Variants in ADAM9 observed in about 807,000 individuals in gnomAD.
The protein encoded by ADAM9 is ADAM metallopeptidase domain 9, also known as disintegrin and metalloproteinase domain-containing protein 9.
ADAM9 carries 54 observed loss-of-function variants against 108.1 expected under a neutral mutation model. The ratio of observed to expected loss-of-function variants is 0.50; its 90% CI spans 0.40 to 0.63. ADAM9 has a LOEUF of 0.63. Among genes scored for constraint, ADAM9 ranks in the 20% least tolerant of loss-of-function variants. ADAM9 has a pLI of 0.00. For synonymous variants in ADAM9, 316 were observed against 336.0 expected (o/e 0.94, Z 0.65); for missense variants, 830 against 997.7 (o/e 0.83, Z 2.26).
At position 39,072,846 on chromosome 8, in the gene ADAM9, G is replaced by A. The variant is rs369841545; in HGVS notation, c.1697+1443G>A. Among the ~76,000 whole-genome samples the A allele has an allele frequency of 2.0e-5, 3 of 152,110 alleles. No homozygotes were observed. The East Asian group carries it at 5.8e-4, about 29-fold the overall frequency. Reference sequence around the variant, plus strand: ...TGTTTTCATTATTTTTTAGTTCATAGTATTTTCTAATTTACACTGATTTTT... The same window carrying A: ...TGTTTTCATTATTTTTTAGTTCATAATATTTTCTAATTTACACTGATTTTT... On this transcript the variant is annotated intron_variant, in intron 15 of 21. Transcript: ENST00000487273.
chr8:39,012,278 C>T (rs1431421495), intron 3 of ADAM9, among the ~76,000 whole-genome samples: 1 of 152,170 alleles, frequency 6.6e-6, no homozygotes, highest in Non-Finnish European at 1.5e-5. Context: ...CTTTGCTGAT[C>T]ATGTAGCTAA....
At chr8:39,088,682 T>A (rs1839252580) in intron 18 of ADAM9, among the ~76,000 whole-genome samples, 1 of 152,186 alleles carries the variant, frequency 6.6e-6, no homozygotes, top group Admixed American at 6.5e-5. Context: ...GATAAAATAC[T>A]TAAAGAATTT....
chr8:39,019,746 G>GT (rs945311456), intron 7 of ADAM9, among the ~76,000 whole-genome samples: 5 of 151,772 alleles, frequency 3.3e-5, no homozygotes, highest in African/African-American at 4.8e-5. Context: ...CAGTTTTGAG[G>GT]TTTTTTTTGG....
At chr8:39,030,679 CT>C (rs139001064) in intron 11 of ADAM9, among the ~76,000 whole-genome samples, 13,943 of 152,260 alleles carry the variant, frequency 0.092, 762 homozygotes, top group Non-Finnish European at 0.12. Context: ...GCCAAATTGT[CT>C]TCCAAAGTAG....
intron 12 of ADAM9, among the ~76,000 whole-genome samples, chr8:39,051,914 CTCA>C (rs1837970087): frequency 1.3e-5 from 2 of 151,880 alleles, no homozygotes; most frequent in Non-Finnish European, 2.9e-5. Context: ...TTGTACACAC[CTCA>C]TGTGTATATA....
chr8:39,103,760 T>TC lies in ADAM9; in HGVS notation c.*61dup. On this transcript the variant is annotated 3_prime_UTR_variant, in exon 22 of 22. Transcript: ENST00000487273. ...GAACTGAGCTAATACTTTTTTTTTT[T>TC]CTTGATGTTTTCTTGAAAAGCCTTT... is the stretch of plus-strand genomic sequence containing the variant. The TC allele has an allele frequency of 2.0e-6, 3 of 1,495,028 alleles. No individual in the cohort carries two copies. The highest frequency in any genetic ancestry group is 2.8e-6 in the Non-Finnish European group (3 of 1,074,810). The allele number at this position is 1,495,028 out of a possible 1,614,324, so 92.6% of individuals were successfully genotyped here. A position where few individuals can be genotyped will look rare whatever the true frequency, so the allele number is the denominator to read the frequency against.
At chr8:39,073,649 G>C (rs999335897) in intron 15 of ADAM9, among the ~76,000 whole-genome samples, 2 of 152,122 alleles carry the variant, frequency 1.3e-5, no homozygotes, top group African/African-American at 4.8e-5. Context: ...TAATATAACC[G>C]ATTGAATGAA....
chr8:39,011,527 C>A, intron 2 of ADAM9, 131 bp from the exon 3 acceptor site: 1 of 759,474 alleles, frequency 1.3e-6, no homozygotes, highest in Non-Finnish European at 2.2e-6. Context: ...CAAAGTTCTT[C>A]TATTAAATAG....
chr8:39,102,039 A>G, intron 21 of ADAM9, 109 bp downstream of exon 21: 1 of 938,280 alleles, frequency 1.1e-6, no homozygotes, highest in Non-Finnish European at 1.7e-6. Context: ...ATTTATTGTC[A>G]ACAGTTTACA....
chr8:39,007,594 G>A (rs886134871), intron 1 of ADAM9, among the ~76,000 whole-genome samples: 1 of 152,158 alleles, frequency 6.6e-6, no homozygotes, highest in Non-Finnish European at 1.5e-5. Flanking sequence ...AAAAGGGTTA[G>A]GGTTTATAGC....
intron 14 of ADAM9, among the ~76,000 whole-genome samples, chr8:39,062,125 G>A (rs1838318608): frequency 6.6e-6 from 1 of 152,110 alleles, no homozygotes; most frequent in East Asian, 1.9e-4. Flanking sequence ...ATCACTTTGG[G>A]GTTAGGGCTT....
chr8:39,028,960 C>T, intron 11 of ADAM9, among the ~76,000 whole-genome samples: 1 of 151,988 alleles, frequency 6.6e-6, no homozygotes, highest in East Asian at 1.9e-4. Flanking sequence ...CTAAAGTCAA[C>T]CCTGTGTCAA....
At chr8:39,052,015 A>G (rs987262524) in intron 12 of ADAM9, among the ~76,000 whole-genome samples, 6 of 152,188 alleles carry the variant, frequency 3.9e-5, no homozygotes, top group African/African-American at 1.4e-4. Flanking sequence ...GTTATTGTAC[A>G]TAAAGGTAGA....
intron 12 of ADAM9, among the ~76,000 whole-genome samples, chr8:39,043,876 G>A (rs763637651): frequency 6.6e-6 from 1 of 152,128 alleles, no homozygotes; most frequent in Non-Finnish European, 1.5e-5. Context: ...AGAACATGCA[G>A]TATTTGACTT....
At chr8:39,073,292 CTATT>C (rs1443989154) in intron 15 of ADAM9, among the ~76,000 whole-genome samples, 3 of 152,054 alleles carry the variant, frequency 2.0e-5, no homozygotes, top group African/African-American at 4.8e-5. Flanking sequence ...GTGGATTTGT[CTATT>C]TATCTTTTTA....
intron 9 of ADAM9, 55 bp from the exon 10 acceptor site, chr8:39,025,748 C>A: frequency 1.3e-6 from 2 of 1,491,840 alleles, no homozygotes; most frequent in Non-Finnish European, 1.9e-6. Context: ...AAAATAAAAG[C>A]AATGTGTTCC....
In ADAM9 at chr8:39,007,926, A is replaced by G. The variant is rs769540240; in HGVS notation, c.138A>G (p.Ile46Met). 3.7e-6 allele frequency: 6 copies of G among 1,612,494 alleles called. No individual in the cohort carries two copies. The highest frequency in any genetic ancestry group is 1.7e-4 in the Middle Eastern group (1 of 5,946). Residue 46 changes from isoleucine (I) to methionine (M), a missense_variant, in exon 2 of 22, where the codon ATA becomes ATG. This residue lies in a region of ADAM9 where 211 missense variants were observed against 222.2 expected (regional missense o/e 0.95). Coordinates refer to ENST00000487273, the MANE Select transcript of ADAM9 (RefSeq NM_003816.3). ...CACATCTTTCTTCTTATGAAATTAT[A>G]ACTCCTTGGAGATTAACTAGAGAAA... ...QTSHLSSYEI[I>M]TPWRLTRERR...
intron 20 of ADAM9, among the ~76,000 whole-genome samples, chr8:39,100,436 T>C (rs1839653281): frequency 6.7e-6 from 1 of 148,780 alleles, no homozygotes; most frequent in South Asian, 2.1e-4. Flanking sequence ...GAGCTTGCAG[T>C]GAGCTGAGAT....
intron 14 of ADAM9, among the ~76,000 whole-genome samples, chr8:39,069,681 C>T (rs1296709321): frequency 6.6e-6 from 1 of 152,052 alleles, no homozygotes; most frequent in East Asian, 1.9e-4. Flanking sequence ...CTGATGAAGA[C>T]TTACTGCTAG....
Sources: allele counts gnomAD v4.1 joint callset (sites outside exome capture counted in the v4.1 genomes callset), GRCh38; gene constraint gnomAD v4.1.1; regional missense constraint gnomAD v4.1.1; transcripts MANE v1.5; gene names NCBI Gene and HGNC (gene_info 2026-07-23, HGNC 2026-07-21).